EPHA6: variants seen among roughly 807,000 people sequenced by gnomAD.
The protein encoded by EPHA6 is EPH receptor A6.
EPHA6 carries 50 observed loss-of-function variants against 112.0 expected under a neutral mutation model. The ratio of observed to expected loss-of-function variants is 0.45; its 90% CI spans 0.36 to 0.56. The LOEUF (loss-of-function observed/expected upper bound fraction) is 0.56, where lower values mean the gene tolerates loss of function less well. Ranked by LOEUF, EPHA6 falls within the 20% of genes least tolerant of loss-of-function variation. The pLI is 0.00. For synonymous variants in EPHA6, 529 were observed against 490.7 expected, an observed-to-expected ratio of 1.08 and a Z score of -1.03; for missense variants, 1,280 against 1,417.4, an observed-to-expected ratio of 0.90 and a Z score of 1.56.
At chr3:97,061,068 G>T (rs1031184149) in intron 3 of EPHA6, among the ~76,000 whole-genome samples, 2 of 151,962 alleles carry the variant, frequency 1.3e-5, no homozygotes, top group African/African-American at 4.8e-5. Context: ...ATAAAGACTT[G>T]CCAAATCTTG....
chr3:97,458,926 G>C (rs2090790404), intron 7 of EPHA6, among the ~76,000 whole-genome samples: 1 of 152,126 alleles, frequency 6.6e-6, no homozygotes, highest in Admixed American at 6.6e-5. Context: ...TTTCACAACA[G>C]CTAGTGAGAA....
At chr3:97,446,864 C>T (rs1316845389) in intron 6 of EPHA6, among the ~76,000 whole-genome samples, 1 of 152,096 alleles carries the variant, frequency 6.6e-6, no homozygotes, top group African/African-American at 2.4e-5. Context: ...TCACTGTCAC[C>T]ATCGATGATT....
intron 1 of EPHA6, among the ~76,000 whole-genome samples, chr3:96,834,858 G>T (rs776805223): frequency 2.6e-5 from 4 of 151,922 alleles, no homozygotes; most frequent in Non-Finnish European, 4.4e-5. Flanking sequence ...TAGCAAAAAA[G>T]ACACTATTTT....
At chr3:96,892,509 A>G (rs368560242) in intron 2 of EPHA6, among the ~76,000 whole-genome samples, 1 of 152,148 alleles carries the variant, frequency 6.6e-6, no homozygotes, top group Non-Finnish European at 1.5e-5. Context: ...GGCATGAATC[A>G]CTGCGCCTGG....
chr3:97,267,853 A>G (rs754564126), intron 5 of EPHA6, among the ~76,000 whole-genome samples: 1 of 152,190 alleles, frequency 6.6e-6, no homozygotes, highest in African/African-American at 2.4e-5. Context: ...CCACAGAATT[A>G]TGACTGAAAA....
chr3:97,646,014 A>G, intron 14 of EPHA6: 1 of 818,656 alleles, frequency 1.2e-6, no homozygotes, highest in Non-Finnish European at 1.7e-6. Flanking sequence ...GTAATCTTCA[A>G]GAAAAAAATA....
At chr3:97,440,092 G>A (rs973899561) in intron 6 of EPHA6, among the ~76,000 whole-genome samples, 3 of 151,988 alleles carry the variant, frequency 2.0e-5, no homozygotes, top group Non-Finnish European at 4.4e-5. Flanking sequence ...GCCCACTTTA[G>A]GATACATACG....
At chr3:96,913,155 C>A (rs2039302862) in intron 2 of EPHA6, among the ~76,000 whole-genome samples, 1 of 134,678 alleles carries the variant, frequency 7.4e-6, no homozygotes, top group African/African-American at 2.8e-5. Context: ...ATAGTGAGAC[C>A]CCGTCTACAC....
At chr3:97,422,105 T>C (rs1559985555) in intron 6 of EPHA6, among the ~76,000 whole-genome samples, 1 of 147,178 alleles carries the variant, frequency 6.8e-6, no homozygotes, top group Non-Finnish European at 1.5e-5. Flanking sequence ...AAATTGATAA[T>C]TTTCATTATA....
intron 3 of EPHA6, among the ~76,000 whole-genome samples, chr3:97,151,754 A>T (rs2076176393): frequency 6.6e-6 from 1 of 152,094 alleles, no homozygotes; most frequent in African/African-American, 2.4e-5. Context: ...TTAATGTGAA[A>T]AATAAAATAA....
At chr3:97,526,659 C>A (rs1234494182) in intron 10 of EPHA6, among the ~76,000 whole-genome samples, 1 of 152,024 alleles carries the variant, frequency 6.6e-6, no homozygotes, top group Non-Finnish European at 1.5e-5. Flanking sequence ...AACTTCAGGG[C>A]TGTGACAGAA....
intron 14 of EPHA6, among the ~76,000 whole-genome samples, chr3:97,676,202 G>A (rs1029386437): frequency 2.0e-5 from 3 of 152,082 alleles, no homozygotes; most frequent in Non-Finnish European, 2.9e-5. Flanking sequence ...AAGAGAATGA[G>A]GAGAGTAGTG....
chr3:96,856,005 G>A (rs1296774586), intron 1 of EPHA6, among the ~76,000 whole-genome samples: 4 of 152,084 alleles, frequency 2.6e-5, no homozygotes, highest in African/African-American at 9.7e-5. Flanking sequence ...TCAAGGCTAA[G>A]GTGGCTCAGG....
chr3:97,484,170 C>G (rs2091639028), intron 10 of EPHA6, 111 bp downstream of exon 10: 1 of 990,262 alleles, frequency 1.0e-6, no homozygotes, highest in East Asian at 3.0e-5. Flanking sequence ...AAAGTTTTAA[C>G]AAGTGAGAAG....
At chr3:97,595,937 T>G (rs1292730552) in intron 12 of EPHA6, among the ~76,000 whole-genome samples, 4 of 139,984 alleles carry the variant, frequency 2.9e-5, no homozygotes, top group Admixed American at 7.5e-5. Context: ...ACGGAGTCTC[T>G]CTCTGTCGCC....
intron 3 of EPHA6, among the ~76,000 whole-genome samples, chr3:97,095,476 T>A (rs11915818): frequency 0.21 from 31,380 of 151,926 alleles, 4,024 homozygotes; most frequent in African/African-American, 0.35. Context: ...CCTGCTTTCT[T>A]TTGTTGTGAC....
intron 3 of EPHA6, among the ~76,000 whole-genome samples, chr3:97,058,298 G>T (rs9818094): frequency 0.18 from 25,984 of 148,010 alleles, 2,360 homozygotes; most frequent in Non-Finnish European, 0.21. Flanking sequence ...TTTTTTTTTT[G>T]TTGTTGTTGT....
intron 3 of EPHA6, among the ~76,000 whole-genome samples, chr3:97,204,880 G>A (rs1559796913): frequency 6.6e-6 from 1 of 152,118 alleles, no homozygotes. Flanking sequence ...ACAATCAGCT[G>A]AGTAGAGTAA....
At chr3:96,970,126 A>G (rs1576202054) in intron 2 of EPHA6, among the ~76,000 whole-genome samples, 1 of 152,004 alleles carries the variant, frequency 6.6e-6, no homozygotes, top group South Asian at 2.1e-4. Flanking sequence ...GTGCTTCTCC[A>G]TTAAAGGATA....
Sources: allele counts gnomAD v4.1 joint callset (sites outside exome capture counted in the v4.1 genomes callset), GRCh38; gene constraint gnomAD v4.1.1; transcripts MANE v1.5; gene names NCBI Gene and HGNC (gene_info 2026-07-23, HGNC 2026-07-21).